Variants in CASTOR2 observed in about 807,000 individuals in gnomAD.
CASTOR2 encodes the protein GATS protein like 2.
A neutral mutation model predicts 31.2 loss-of-function variants in CASTOR2; 8 were observed. The ratio of observed to expected loss-of-function variants is 0.26; its 90% confidence interval spans 0.15 to 0.46. The LOEUF is 0.46. Ranked by LOEUF, CASTOR2 falls within the 20% of genes least tolerant of loss-of-function variation. CASTOR2 has a pLI of 0.99. For missense variants in CASTOR2, 216 were observed against 382.1 expected (o/e 0.57, Z 3.62); for synonymous variants, 162 against 158.7 (o/e 1.02, Z -0.16).
chr7:74,992,809 AGGAG>A (rs1804242755), intron 1 of CASTOR2, among the ~76,000 whole-genome samples: 1 of 151,698 alleles, frequency 6.6e-6, no homozygotes, highest in African/African-American at 2.4e-5. Context: ...AGGCTGAGGC[AGGAG>A]GATTGCTTGA....
At chr7:75,019,119 G>A in intron 5 of CASTOR2, 24 bp downstream of exon 5, 2 of 1,551,780 alleles carry the variant, frequency 1.3e-6, no homozygotes, top group Non-Finnish European at 1.7e-6. Flanking sequence ...GGGCATGAGG[G>A]GTTGCAGGGT....
At chr7:74,984,547 C>T (rs1804019280) in intron 1 of CASTOR2, among the ~76,000 whole-genome samples, 1 of 152,134 alleles carries the variant, frequency 6.6e-6, no homozygotes, top group Admixed American at 6.6e-5. Context: ...TTTGGGAGGG[C>T]ACCCTCTGAT....
At chr7:75,020,594 C>A (rs1311246113) in intron 6 of CASTOR2, among the ~76,000 whole-genome samples, 1 of 150,912 alleles carries the variant, frequency 6.6e-6, no homozygotes, top group Non-Finnish European at 1.5e-5. Context: ...GGGTTCATGC[C>A]ATTCTCCTGC....
chr7:75,005,535 CAAA>C (rs1804587847), intron 1 of CASTOR2, among the ~76,000 whole-genome samples: 1 of 152,088 alleles, frequency 6.6e-6, no homozygotes, highest in African/African-American at 2.4e-5. Flanking sequence ...ATTTAGGAAA[CAAA>C]AATTGTGTCC....
At chr7:74,974,281 G>C (rs1181598443) in intron 1 of CASTOR2, among the ~76,000 whole-genome samples, 1 of 148,252 alleles carries the variant, frequency 6.7e-6, no homozygotes, top group Non-Finnish European at 1.5e-5. Context: ...GTGCAAATTG[G>C]TATGCTCTGT....
At chr7:74,992,099 C>A (rs1193157774) in intron 1 of CASTOR2, among the ~76,000 whole-genome samples, 1 of 151,892 alleles carries the variant, frequency 6.6e-6, no homozygotes. Context: ...CATGGTGAAT[C>A]GAGTGGCACA....
intron 1 of CASTOR2, among the ~76,000 whole-genome samples, chr7:74,995,407 C>T (rs1451873020): frequency 6.7e-6 from 1 of 150,204 alleles, no homozygotes; most frequent in Non-Finnish European, 1.5e-5. Flanking sequence ...GTGGCTCACA[C>T]GTAACCCCAG....
At chr7:75,011,639 G>A (rs2131948442) in intron 2 of CASTOR2, among the ~76,000 whole-genome samples, 1 of 150,366 alleles carries the variant, frequency 6.7e-6, no homozygotes, top group South Asian at 2.1e-4. Flanking sequence ...GGGAGGCTGA[G>A]GCAGGAGAAT....
rs1329002043 is a variant in CASTOR2, at chr7:74,987,225, T to G, written c.114-20769T>G. ...TTCAAGACCAGCCTGGCCAACATGG[T>G]GAAACCCCATCTCTACTAAAAATAC... On this transcript the variant is annotated intron_variant, in intron 1 of 8. Transcript: ENST00000616305. Among the ~76,000 whole-genome samples, 80 of 151,984 alleles carry G rather than the reference T, an allele frequency of 5.3e-4. 4 individuals carry two copies. Among genetic ancestry groups the G allele is most frequent in the African/African-American group, 1.9e-3 (78 of 41,434 alleles).
intron 1 of CASTOR2, among the ~76,000 whole-genome samples, chr7:75,003,372 G>T (rs1292400258): frequency 6.6e-6 from 1 of 151,658 alleles, no homozygotes; most frequent in Non-Finnish European, 1.5e-5. Context: ...GATTGCTTGA[G>T]CCCAGGAGGC....
intron 1 of CASTOR2, among the ~76,000 whole-genome samples, chr7:74,993,214 A>G (rs1457093020): frequency 6.6e-6 from 1 of 152,060 alleles, no homozygotes; most frequent in Non-Finnish European, 1.5e-5. Flanking sequence ...AGAAAAAGAA[A>G]AAGGAAGGCA....
rs899436536 is a variant in CASTOR2 at position 75,030,976 on chromosome 7, G to T, written c.*6277G>T. Among the ~76,000 whole-genome samples the T allele has an allele frequency of 6.6e-6, 1 of 152,228 alleles. No individual in the cohort carries two copies. The highest frequency in any genetic ancestry group is 1.5e-5 in the Non-Finnish European group (1 of 68,042). The stretch of plus-strand genomic sequence containing the variant: ...TCACCCAAACTTTGGAGGTGGCAGG[G>T]TGAACAGCAGGCCAAGTTCAGGTCC... On this transcript the variant is annotated 3_prime_UTR_variant, in exon 9 of 9. Transcript: ENST00000616305.
In CASTOR2 at chr7:75,025,436, C is replaced by G. The variant is rs1259112938; in HGVS notation, c.*737C>G. On this transcript the variant is annotated 3_prime_UTR_variant, in exon 9 of 9. Transcript: ENST00000616305. ...GGAGGGTCCCAGGAGACCCACCAGC[C>G]TGGAGCACCAGCTCCTGTCCCCTCG... Among the ~76,000 whole-genome samples the G allele has an allele frequency of 6.6e-6, 1 of 152,224 alleles. No homozygotes were observed. The highest frequency in any genetic ancestry group is 1.5e-5 in the Non-Finnish European group (1 of 68,032).
chr7:75,018,972 T>A lies in CASTOR2; in HGVS notation c.512T>A (p.Val171Asp). 3 of 1,551,932 alleles carry A rather than the reference T, an allele frequency of 1.9e-6. No homozygotes were observed. The highest frequency in any genetic ancestry group is 2.6e-6 in the Non-Finnish European group (3 of 1,147,022). ...ITNGFVKPKL[V>D]QRPVIHPLSS... ...GCCTGACATCTTTGTGCTCTTACAG[T>A]CCAGAGGCCAGTCATCCACCCACTG... Residue 171 changes from valine to aspartate, a missense_variant and splice_region_variant, in exon 5 of 9, where the codon GTC becomes GAC. Transcript: ENST00000616305.
chr7:75,001,159 C>T (rs1243022172), intron 1 of CASTOR2, among the ~76,000 whole-genome samples: 21 of 152,316 alleles, frequency 1.4e-4, no homozygotes, highest in Non-Finnish European at 3.1e-4. Flanking sequence ...TCACTGCAAC[C>T]TCCGCCTCCC....
At chr7:75,020,200 T>TG (rs1804960049) in intron 6 of CASTOR2, 51 bp downstream of exon 6, 1 of 1,486,028 alleles carries the variant, frequency 6.7e-7, no homozygotes, top group Non-Finnish European at 9.2e-7. Context: ...CCCCAGGGTC[T>TG]GGGGGGACTA....
At chr7:74,975,837 G>A (rs1197066762) in intron 1 of CASTOR2, among the ~76,000 whole-genome samples, 1 of 125,950 alleles carries the variant, frequency 7.9e-6, no homozygotes, top group Non-Finnish European at 1.7e-5. Flanking sequence ...TGGCTTCTGC[G>A]TGGTGCTCCC....
chr7:74,965,850 T>TCACACACACA (rs1177991219), intron 1 of CASTOR2, among the ~76,000 whole-genome samples: 10 of 10,614 alleles, frequency 9.4e-4, no homozygotes, highest in South Asian at 3.5e-3. Flanking sequence ...AAAGAGGGAA[T>TCACACACACA]CACACACACA....
Position 75,017,758 on chromosome 7 carries a change from C to T in CASTOR2, c.345C>T (p.Phe115=), listed in dbSNP as rs1804898986. ...TGGCTGACCAGAACATATCCGTGTT[C>T]ATGCTGTCCACGTATCAGACAGACT... ...APLADQNISV[F]MLSTYQTDFI... Residue 115 remains phenylalanine (F), a synonymous_variant, in exon 3 of 9, where the codon TTC becomes TTT. Transcript: ENST00000616305. The T allele has an allele frequency of 6.2e-7, 1 of 1,613,916 alleles. No individual in the cohort carries two copies. Among genetic ancestry groups the T allele is most frequent in the African/African-American group, 1.3e-5 (1 of 74,938 alleles).
Sources: allele counts gnomAD v4.1 joint callset (sites outside exome capture counted in the v4.1 genomes callset), GRCh38; gene constraint gnomAD v4.1.1; transcripts MANE v1.5; gene names NCBI Gene and HGNC (gene_info 2026-07-23, HGNC 2026-07-21).